LRRTM4: variants seen among roughly 807,000 people sequenced by gnomAD.
LRRTM4 encodes leucine rich repeat transmembrane neuronal 4.
Under a neutral mutation model 47.6 loss-of-function variants are expected in LRRTM4, and 25 were observed. The ratio of observed to expected loss-of-function variants is 0.53; its 90% CI spans 0.38 to 0.73. The LOEUF is 0.73. LRRTM4 is among the 30% of genes least tolerant of loss of function. The probability of loss-of-function intolerance (pLI) is 0.00; values close to 1 mark genes in which losing one functional copy is unlikely to be tolerated. For missense variants in LRRTM4, 638 were observed against 713.4 expected, an observed-to-expected ratio of 0.89 and a Z score of 1.20; for synonymous variants, 311 against 269.5, an observed-to-expected ratio of 1.15 and a Z score of -1.51.
chr2:77,479,713 CTCTT>C (rs1296319654), intron 3 of LRRTM4, among the ~76,000 whole-genome samples: 1 of 151,922 alleles, frequency 6.6e-6, no homozygotes, highest in Non-Finnish European at 1.5e-5. Flanking sequence ...CTCCATCTCT[CTCTT>C]TCTCTTCTCT....
intron 3 of LRRTM4, among the ~76,000 whole-genome samples, chr2:76,799,530 G>C (rs890961052): frequency 2.8e-5 from 4 of 143,922 alleles, no homozygotes; most frequent in Non-Finnish European, 6.1e-5. Flanking sequence ...CATTCCCTTT[G>C]AAAACTGGCA....
chr2:77,504,089 TTCTC>T (rs1431551538), intron 3 of LRRTM4, among the ~76,000 whole-genome samples: 1 of 151,604 alleles, frequency 6.6e-6, no homozygotes, highest in Non-Finnish European at 1.5e-5. Flanking sequence ...TATAAGAAAA[TTCTC>T]TCTGTCTCTC....
chr2:77,483,557 T>C (rs1364473975), intron 3 of LRRTM4, among the ~76,000 whole-genome samples: 2 of 152,112 alleles, frequency 1.3e-5, no homozygotes, highest in African/African-American at 4.8e-5. Flanking sequence ...GCCAAGCTGC[T>C]CTCGAGCCAC....
At chr2:76,989,912 G>C (rs1676944124) in intron 3 of LRRTM4, 2 of 151,768 alleles carry the variant, frequency 1.3e-5, no homozygotes, top group Admixed American at 1.3e-4. Context: ...AACAGATAAA[G>C]TACATGGCAC....
At chr2:77,138,681 T>A (rs746518890) in intron 3 of LRRTM4, among the ~76,000 whole-genome samples, 1 of 151,948 alleles carries the variant, frequency 6.6e-6, no homozygotes, top group African/African-American at 2.4e-5. Context: ...AATGAATCAA[T>A]GAGCTCGTTT....
At chr2:77,024,606 C>T (rs971417760) in intron 3 of LRRTM4, among the ~76,000 whole-genome samples, 4 of 151,604 alleles carry the variant, frequency 2.6e-5, no homozygotes, top group African/African-American at 4.8e-5. Flanking sequence ...ACAAGTAAGC[C>T]TTATAATCTC....
chr2:76,857,392 G>A (rs1159501920), intron 3 of LRRTM4, among the ~76,000 whole-genome samples: 1 of 150,178 alleles, frequency 6.7e-6, no homozygotes, highest in Non-Finnish European at 1.5e-5. Context: ...ACATATATGA[G>A]ATATAGAAGA....
At chr2:77,067,686 T>TAC (rs3058033) in intron 3 of LRRTM4, among the ~76,000 whole-genome samples, 22,908 of 140,576 alleles carry the variant, frequency 0.16, 1,820 homozygotes, top group East Asian at 0.22. Flanking sequence ...CAAAGATACG[T>TAC]ACACACACAC....
intron 3 of LRRTM4, among the ~76,000 whole-genome samples, chr2:77,177,056 A>G (rs539159938): frequency 1.6e-4 from 24 of 152,238 alleles, no homozygotes; most frequent in Non-Finnish European, 3.2e-4. Context: ...AAACTCATAC[A>G]TATTAATAAT....
intron 3 of LRRTM4, among the ~76,000 whole-genome samples, chr2:77,088,317 G>A (rs1680796240): frequency 6.6e-6 from 1 of 152,114 alleles, no homozygotes; most frequent in African/African-American, 2.4e-5. Flanking sequence ...AATCACAAAA[G>A]AAGTGAATAT....
chr2:77,014,503 C>CATATATATATATATATGTGTAT (rs71381251), intron 3 of LRRTM4, among the ~76,000 whole-genome samples: 3 of 139,058 alleles, frequency 2.2e-5, no homozygotes, highest in African/African-American at 7.5e-5. Context: ...TGTGCCCTTT[C>CATATATATATATATATGTGTAT]ATATATATAT....
Position 77,055,484 on chromosome 2 carries a change from C to A in LRRTM4, c.1552-306568G>T, listed in dbSNP as rs564188308. Among the ~76,000 whole-genome samples the A allele has an allele frequency of 1.1e-3, 167 of 152,234 alleles. 1 individual carries two copies. Among genetic ancestry groups the A allele is most frequent in the Non-Finnish European group, 1.3e-3 (85 of 67,992 alleles). ...TCAGAGAAATGCAAATCAAAACCAC[C>A]ATGAGATACCATCTCACACCAGTTA... On this transcript the variant is annotated intron_variant, in intron 3 of 3. Coordinates refer to ENST00000409884, the MANE Select transcript of LRRTM4 (RefSeq NM_001134745.3).
chr2:77,321,806 C>T (rs1677801283), intron 3 of LRRTM4, among the ~76,000 whole-genome samples: 2 of 151,886 alleles, frequency 1.3e-5, no homozygotes, highest in African/African-American at 4.8e-5. Context: ...AAAAATATGG[C>T]AAGGTATTAA....
intron 3 of LRRTM4, among the ~76,000 whole-genome samples, chr2:77,122,464 A>C (rs1671544268): frequency 6.7e-6 from 1 of 150,178 alleles, no homozygotes; most frequent in Non-Finnish European, 1.5e-5. Flanking sequence ...ATATATAATC[A>C]TATATATACA....
At chr2:76,788,201 A>G (rs1425477113) in intron 3 of LRRTM4, among the ~76,000 whole-genome samples, 1 of 152,188 alleles carries the variant, frequency 6.6e-6, no homozygotes, top group East Asian at 1.9e-4. Flanking sequence ...AACATATGTA[A>G]TTGAGGTAAG....
At chr2:77,171,258 G>A (rs1478171691) in intron 3 of LRRTM4, among the ~76,000 whole-genome samples, 2 of 151,722 alleles carry the variant, frequency 1.3e-5, no homozygotes, top group Non-Finnish European at 2.9e-5. Context: ...TTTTTTTTCT[G>A]TTGTTGTTTG....
At chr2:76,836,944 T>A (rs1015242339) in intron 3 of LRRTM4, among the ~76,000 whole-genome samples, 6 of 152,130 alleles carry the variant, frequency 3.9e-5, no homozygotes, top group Admixed American at 3.3e-4. Context: ...CTACAGTTAA[T>A]CAAAATAATT....
intron 3 of LRRTM4, among the ~76,000 whole-genome samples, chr2:77,396,503 G>A (rs1402190730): frequency 6.6e-6 from 1 of 151,882 alleles, no homozygotes; most frequent in African/African-American, 2.4e-5. Flanking sequence ...ATGAATGACA[G>A]AAGAAAGTAA....
At chr2:76,762,288 C>T (rs191629956) in intron 3 of LRRTM4, among the ~76,000 whole-genome samples, 46 of 152,204 alleles carry the variant, frequency 3.0e-4, no homozygotes, top group African/African-American at 9.2e-4. Flanking sequence ...AAATTCACCA[C>T]GCTGTACTTT....
Sources: gnomAD v4.1 joint callset for allele counts (sites outside exome capture counted in the v4.1 genomes callset) on GRCh38, gnomAD v4.1.1 for gene constraint, MANE v1.5 for transcripts, NCBI Gene and HGNC (gene_info 2026-07-23, HGNC 2026-07-21) for gene names.